Variants in ALS2CL observed in about 807,000 individuals in gnomAD.
ALS2CL encodes the protein ALS2 C-terminal like.
ALS2CL carries 112 observed loss-of-function variants against 127.9 expected under a neutral mutation model. That is an observed-to-expected ratio of 0.88 (90% confidence interval 0.75 to 1.02). The LOEUF is 1.02. Ranked by LOEUF, ALS2CL falls within the 50% of genes least tolerant of loss-of-function variation. ALS2CL has a pLI of 0.00. For missense variants in ALS2CL, 1,174 were observed against 1,236.7 expected (o/e 0.95, Z 0.76); for synonymous variants, 519 against 527.6 (o/e 0.98, Z 0.22).
intron 25 of ALS2CL, 38 bp from the exon 26 acceptor site, chr3:46,671,102 G>A: frequency 6.3e-7 from 1 of 1,586,376 alleles, no homozygotes; most frequent in Non-Finnish European, 8.7e-7. Context: ...CAGTTGACCT[G>A]CCTGATCCCA....
At chr3:46,682,188 C>T in intron 10 of ALS2CL, 94 bp from the exon 11 acceptor site, 1 of 1,362,306 alleles carries the variant, frequency 7.3e-7, no homozygotes, top group Non-Finnish European at 1.0e-6. Flanking sequence ...TTCCTCTTCC[C>T]TTGGACTGGG....
At position 46,681,936 on chromosome 3, in the gene ALS2CL, T is replaced by G; in HGVS notation, c.1175+93A>C. On this transcript the variant is annotated intron_variant, in intron 11 of 25. Transcript: ENST00000318962. This position sits in a 1 kb window ranked among gnomAD's most constrained non-coding sequence, Gnocchi z 4.9. The stretch of plus-strand genomic sequence containing the variant: ...AAGTTCCTGCTTGAGGTTTGGGAAT[T>G]CAGGATGGGGCCGGGCTGGTGACCA... 6.9e-7 allele frequency: 1 copy of G among 1,445,914 alleles called. No homozygotes were observed. The highest frequency in any genetic ancestry group is 9.5e-7 in the Non-Finnish European group (1 of 1,049,764). The allele number at this position is 1,445,914 out of a possible 1,614,324, so 89.6% of individuals were successfully genotyped here. A position where few individuals can be genotyped will look rare whatever the true frequency, so the allele number is the denominator to read the frequency against.
intron 20 of ALS2CL, 127 bp from the exon 21 acceptor site, chr3:46,674,866 CAGAAA>C: frequency 1.1e-6 from 1 of 929,900 alleles, no homozygotes; most frequent in Non-Finnish European, 1.5e-6. Context: ...TCCTCCTCCC[CAGAAA>C]ACCTTTTCCA....
rs147719125 is a variant in ALS2CL, at chr3:46,683,213, G to T, written c.1026C>A (p.Cys342Ter). ...CCTCTGCCTGGAAGGTATATTCTGC[G>T]CAGCGGCAGTCGGGAGGCTGGGAGG... ...LEPSQPPDCR[C>*]AEYTFQAEGR... The change falls in exon 10 of 26, where the codon TGC becomes TGA. Residue 342 changes from cysteine to a stop codon, truncating the protein, a stop_gained. Coordinates refer to ENST00000318962, the MANE Select transcript of ALS2CL (RefSeq NM_147129.5). LOFTEE classifies it high-confidence loss of function. 8 of 1,609,410 alleles carry T rather than the reference G, an allele frequency of 5.0e-6. No individual in the cohort carries two copies. Among genetic ancestry groups the T allele is most frequent in the Admixed American group, 1.7e-5 (1 of 59,094 alleles).
At position 46,684,026 on chromosome 3, in the gene ALS2CL, C is replaced by T; in HGVS notation, c.808G>A (p.Asp270Asn). 1 of 1,565,046 alleles carries T rather than the reference C, an allele frequency of 6.4e-7. No individual in the cohort carries two copies. Among genetic ancestry groups the T allele is most frequent in the Non-Finnish European group, 8.7e-7 (1 of 1,153,970 alleles). ...GGATCCACCCACACCAGCTTCAGAT[C>T]AAAGGTGTGGACATTGTGGCCCTGG... Reference protein sequence around the residue: ...LLQGHNVHTFDLKLVWVDPGQ... With the variant: ...LLQGHNVHTFNLKLVWVDPGQ... The change falls in exon 8 of 26, where the codon GAT becomes AAT. Residue 270 changes from aspartate to asparagine, a missense_variant. Coordinates refer to ENST00000318962, the MANE Select transcript of ALS2CL (RefSeq NM_147129.5).
chr3:46,679,193 G>A lies in ALS2CL; in HGVS notation c.1626+17C>T, dbSNP rs777725527. On this transcript the variant is annotated intron_variant, in intron 15 of 25. Coordinates refer to ENST00000318962, the MANE Select transcript of ALS2CL (RefSeq NM_147129.5). ...AGGCCTTGGCAGGGTGTGGAGGGGG[G>A]CCTCAGTGGTCCTCACCTTCCCCAT... is the stretch of plus-strand genomic sequence containing the variant. 2 of 1,551,142 alleles carry A rather than the reference G, an allele frequency of 1.3e-6. No individual in the cohort carries two copies. The highest frequency in any genetic ancestry group is 1.7e-6 in the Non-Finnish European group (2 of 1,146,018).
In ALS2CL at chr3:46,681,643, C is replaced by T. The variant is rs374850287; in HGVS notation, c.1176-45G>A. The T allele has an allele frequency of 3.0e-5, 47 of 1,591,812 alleles. No homozygotes were observed. In the Middle Eastern group the frequency reaches 5.1e-4, roughly 17 times the overall value. ...GGTGGGGATCAGCCCTGACCTGAGA[C>T]GCCCATTACACCTACTCCATGCCAC... On this transcript the variant is annotated intron_variant, in intron 11 of 25. Coordinates refer to ENST00000318962, the MANE Select transcript of ALS2CL (RefSeq NM_147129.5). This position sits in a 1 kb window ranked among gnomAD's most constrained non-coding sequence, Gnocchi z 4.9.
At position 46,681,877 on chromosome 3, in the gene ALS2CL, G is replaced by T; in HGVS notation, c.1175+152C>A. ...TATTCAGGCCCCCGGTTCCCCTTTG[G>T]TACAGTGGGCGGGGGCTGGACCGGA... On this transcript the variant is annotated intron_variant, in intron 11 of 25. Transcript: ENST00000318962. This position sits in a 1 kb window ranked among gnomAD's most constrained non-coding sequence, Gnocchi z 4.9. The T allele has an allele frequency of 9.7e-7, 1 of 1,030,172 alleles. No homozygotes were observed. Among genetic ancestry groups the T allele is most frequent in the Non-Finnish European group, 1.4e-6 (1 of 697,498 alleles). 63.8% of individuals were successfully genotyped at this position (1,030,172 alleles called of 1,614,324 possible).
Position 46,686,343 on chromosome 3 carries a change from G to T in ALS2CL, c.631C>A (p.Gln211Lys). The T allele has an allele frequency of 6.2e-7, 1 of 1,613,398 alleles. No homozygotes were observed. Among genetic ancestry groups the T allele is most frequent in the Non-Finnish European group, 8.5e-7 (1 of 1,179,780 alleles). Reference protein sequence around the residue: ...KQELDQAVATQALWHTLRGRL... With the variant: ...KQELDQAVATKALWHTLRGRL... ...CCTCTCAGGGTGTGCCAGAGAGCCTGTGTGGCCACAGCCTGGTCCAACTCC... is the reference window on the plus strand; with the variant it reads ...CCTCTCAGGGTGTGCCAGAGAGCCTTTGTGGCCACAGCCTGGTCCAACTCC... Residue 211 changes from glutamine (Q) to lysine (K), a missense_variant, in exon 6 of 26, where the codon CAG becomes AAG. Transcript: ENST00000318962. The surrounding 1 kb of genome is among the most constrained non-coding windows in gnomAD (Gnocchi z 4.3).
chr3:46,670,720 C>T lies in ALS2CL; in HGVS notation c.*264G>A. On this transcript the variant is annotated 3_prime_UTR_variant, in exon 26 of 26. Coordinates refer to ENST00000318962, the MANE Select transcript of ALS2CL (RefSeq NM_147129.5). This position sits in a 1 kb window ranked among gnomAD's most constrained non-coding sequence, Gnocchi z 5.5. The stretch of plus-strand genomic sequence containing the variant: ...GCTAAGAGAAGCCAGGGACTCCTCA[C>T]CCCCAGCCTGTGAGCTGCTGCAGAT... The T allele has an allele frequency of 2.2e-6, 1 of 459,152 alleles. No individual in the cohort carries two copies. Among genetic ancestry groups the T allele is most frequent in the Non-Finnish European group, 4.0e-6 (1 of 247,548 alleles). The allele number at this position is 459,152 out of a possible 1,614,324, so 28.4% of individuals were successfully genotyped here.
rs200361913 is a variant in ALS2CL at position 46,672,077 on chromosome 3, T to A, written c.2535-44A>T. ...CTCCAGGTCAAGGCCCTTGGTTCAG[T>A]CCCAACCAGGAGCACCCCACACTCT... On this transcript the variant is annotated intron_variant, in intron 23 of 25. Coordinates refer to ENST00000318962, the MANE Select transcript of ALS2CL (RefSeq NM_147129.5). 8 of 1,613,912 alleles carry A rather than the reference T, an allele frequency of 5.0e-6. No homozygotes were observed. In the East Asian group the frequency reaches 1.3e-4, roughly 27 times the overall value.
intron 22 of ALS2CL, among the ~76,000 whole-genome samples, chr3:46,672,735 C>G (rs1698501878): frequency 6.6e-6 from 1 of 152,228 alleles, no homozygotes; most frequent in African/African-American, 2.4e-5. Context: ...TGGCTCACGC[C>G]TGTAATCCCA....
rs368236702 is a variant in ALS2CL at position 46,687,001 on chromosome 3, G to A, written c.516C>T (p.Leu172=). The change falls in exon 5 of 26, where the codon CTC becomes CTT. Residue 172 remains leucine (L), a synonymous_variant. Coordinates refer to ENST00000318962, the MANE Select transcript of ALS2CL (RefSeq NM_147129.5). ...TACCCACCTCCCCAATGGTGTCCCCGAGGCTCAGCAGGAGGAGCACGTACT... is the reference window on the plus strand; with the variant it reads ...TACCCACCTCCCCAATGGTGTCCCCAAGGCTCAGCAGGAGGAGCACGTACT... ...VQQYVLLLLS[L]GDTIGEHHPT... is the part of the protein sequence containing the mutation. The A allele has an allele frequency of 1.2e-4, 187 of 1,599,650 alleles. No individual in the cohort carries two copies. The highest frequency in any genetic ancestry group is 1.5e-4 in the Non-Finnish European group (173 of 1,177,006).
chr3:46,683,074 T>G, intron 10 of ALS2CL, 56 bp downstream of exon 10: 1 of 1,473,372 alleles, frequency 6.8e-7, no homozygotes, highest in South Asian at 1.4e-5. Flanking sequence ...TGCTGCTCTC[T>G]GCCCCGCAGA....
At chr3:46,675,768 G>T in intron 19 of ALS2CL, 82 bp from the exon 20 acceptor site, 1 of 1,602,388 alleles carries the variant, frequency 6.2e-7, no homozygotes. Flanking sequence ...AAAGGCAAAA[G>T]CAGGTGGCCT....
At chr3:46,674,793 T>C in intron 20 of ALS2CL, 54 bp from the exon 21 acceptor site, 3 of 1,485,138 alleles carry the variant, frequency 2.0e-6, no homozygotes, top group African/African-American at 2.8e-5. Context: ...CTGGGATTAC[T>C]ACTTGGAGTC....
chr3:46,678,000 CAAAA>C (rs527464518), intron 16 of ALS2CL, among the ~76,000 whole-genome samples: 2 of 129,806 alleles, frequency 1.5e-5, no homozygotes, highest in African/African-American at 2.9e-5. Flanking sequence ...CCTTTCGAGA[CAAAA>C]AAAAAAAAAA....
In ALS2CL at chr3:46,672,154, G is replaced by A; in HGVS notation, c.2520C>T (p.Cys840=). 6.2e-7 allele frequency: 1 copy of A among 1,614,128 alleles called. No individual in the cohort carries two copies. Among genetic ancestry groups the A allele is most frequent in the African/African-American group, 1.3e-5 (1 of 75,040 alleles). The stretch of plus-strand genomic sequence containing the variant: ...CTCACACTCACATGATCTTCTGCAG[G>A]CACTCGGTGGCTGACAGGAAACACT... The part of the protein sequence containing the change: ...RDKCFLSATE[C]LQKIMTTVDP... Residue 840 remains cysteine (C), a synonymous_variant, in exon 23 of 26, where the codon TGC becomes TGT. Coordinates refer to ENST00000318962, the MANE Select transcript of ALS2CL (RefSeq NM_147129.5).
chr3:46,689,231 T>G, intron 2 of ALS2CL, 107 bp downstream of exon 2: 12 of 1,161,446 alleles, frequency 1.0e-5, no homozygotes, highest in Non-Finnish European at 1.4e-5. Context: ...ACCACTCCTA[T>G]TTGAGGTTGA....
Sources: gnomAD v4.1 joint callset for allele counts (sites outside exome capture counted in the v4.1 genomes callset) on GRCh38, gnomAD v4.1.1 for gene constraint, Gnocchi (gnomAD v3.1) non-coding constraint, MANE v1.5 for transcripts, NCBI Gene and HGNC (gene_info 2026-07-23, HGNC 2026-07-21) for gene names.